Variants in TIAM1 observed in about 807,000 individuals in gnomAD.
TIAM1 encodes the protein TIAM Rac1 associated GEF 1.
In TIAM1, 65 loss-of-function variants were observed where a neutral mutation model predicts 163.5. The ratio of observed to expected loss-of-function variants is 0.40; its 90% CI spans 0.33 to 0.49. The LOEUF (loss-of-function observed/expected upper bound fraction) is 0.49. TIAM1 is among the 20% of genes least tolerant of loss of function. The pLI is 0.77. For missense variants in TIAM1, 1,789 were observed against 2,044.7 expected, an observed-to-expected ratio of 0.87 and a Z score of 2.41; for synonymous variants, 833 against 810.1, an observed-to-expected ratio of 1.03 and a Z score of -0.48.
chr21:31,472,668 G>A (rs545209270), intron 1 of TIAM1, among the ~76,000 whole-genome samples: 1 of 152,284 alleles, frequency 6.6e-6, no homozygotes, highest in Non-Finnish European at 1.5e-5. Context: ...GGCACCACCA[G>A]CCCATGAGCC....
At chr21:31,300,497 G>A (rs1359256410) in intron 2 of TIAM1, among the ~76,000 whole-genome samples, 1 of 152,168 alleles carries the variant, frequency 6.6e-6, no homozygotes, top group African/African-American at 2.4e-5. Context: ...ATGGCCAGAG[G>A]AAGGCACAAC....
chr21:31,533,123 C>T (rs779652703), intron 1 of TIAM1, among the ~76,000 whole-genome samples: 1 of 152,066 alleles, frequency 6.6e-6, no homozygotes, highest in Non-Finnish European at 1.5e-5. Flanking sequence ...GAGTTCAAGG[C>T]CAGCCTGGCC....
chr21:31,218,311 T>C (rs566503076), intron 8 of TIAM1, among the ~76,000 whole-genome samples: 11 of 152,294 alleles, frequency 7.2e-5, no homozygotes, highest in African/African-American at 2.2e-4. Flanking sequence ...CTCATGCCTG[T>C]AATCCCAGCA....
At chr21:31,237,397 A>G (rs1181320101) in intron 6 of TIAM1, among the ~76,000 whole-genome samples, 1 of 152,258 alleles carries the variant, frequency 6.6e-6, no homozygotes, top group Non-Finnish European at 1.5e-5. Flanking sequence ...GAGCCTGACG[A>G]AACTCAAGAC....
chr21:31,271,699 G>C lies in TIAM1; in HGVS notation c.-11-4716C>G, dbSNP rs567432801. On this transcript the variant is annotated intron_variant, in intron 3 of 27. Coordinates refer to ENST00000541036, the MANE Select transcript of TIAM1 (RefSeq NM_001353694.2). ...TCAGGAATGAGGTTAAGAGTTGAGA[G>C]GGCAAGTGTAGAACTGCTCAGGCCT... 1.0e-4 allele frequency among the ~76,000 whole-genome samples: 11 copies of C among 105,090 alleles called. 1 individual carries two copies. In the South Asian group the frequency reaches 3.8e-3, roughly 37 times the overall value. The allele number at this position is 105,090 out of a possible 152,430, so 68.9% of individuals were successfully genotyped here.
chr21:31,421,130 T>TA (rs71193115), intron 2 of TIAM1, among the ~76,000 whole-genome samples: 91 of 135,332 alleles, frequency 6.7e-4, no homozygotes, highest in Middle Eastern at 3.7e-3. Context: ...GACTTCCTCT[T>TA]AAAAAAAAAA....
chr21:31,215,568 G>GAAAAAAAAA (rs398040071), intron 9 of TIAM1, among the ~76,000 whole-genome samples: 7 of 75,496 alleles, frequency 9.3e-5, no homozygotes, highest in African/African-American at 2.2e-4. Context: ...TCTCAAAAAA[G>GAAAAAAAAA]AAAAAAAAAA....
intron 4 of TIAM1, among the ~76,000 whole-genome samples, chr21:31,265,640 C>T (rs2072715503): frequency 6.6e-6 from 1 of 152,168 alleles, no homozygotes; most frequent in Non-Finnish European, 1.5e-5. Flanking sequence ...CAAGAGTCTG[C>T]AACCCACCAT....
At chr21:31,550,956 A>T (rs1328946353) in intron 1 of TIAM1, among the ~76,000 whole-genome samples, 1 of 152,262 alleles carries the variant, frequency 6.6e-6, no homozygotes, top group East Asian at 1.9e-4. Flanking sequence ...CACGCCTGTA[A>T]TCCCAGCACT....
At chr21:31,486,978 A>G (rs2046293765) in intron 1 of TIAM1, among the ~76,000 whole-genome samples, 1 of 152,204 alleles carries the variant, frequency 6.6e-6, no homozygotes, top group African/African-American at 2.4e-5. Flanking sequence ...TGACACAGCC[A>G]CAGCAGTTCT....
At chr21:31,423,715 A>C (rs999820121) in intron 2 of TIAM1, among the ~76,000 whole-genome samples, 1 of 139,698 alleles carries the variant, frequency 7.2e-6, no homozygotes, top group Non-Finnish European at 1.6e-5. Context: ...AAAAAAAAAA[A>C]AAAAAAAAAA....
chr21:31,472,789 T>C (rs1336911992), intron 1 of TIAM1, among the ~76,000 whole-genome samples: 1 of 152,232 alleles, frequency 6.6e-6, no homozygotes, highest in African/African-American at 2.4e-5. Flanking sequence ...ATGGGGATAA[T>C]AACAGCATCT....
At chr21:31,384,696 C>T (rs1354216912) in intron 2 of TIAM1, among the ~76,000 whole-genome samples, 2 of 152,198 alleles carry the variant, frequency 1.3e-5, no homozygotes, top group East Asian at 1.9e-4. Flanking sequence ...TACAAAATAT[C>T]TTACCTTAAG....
At chr21:31,338,634 C>T (rs2075924625) in intron 2 of TIAM1, among the ~76,000 whole-genome samples, 1 of 152,186 alleles carries the variant, frequency 6.6e-6, no homozygotes, top group Non-Finnish European at 1.5e-5. Flanking sequence ...GTGCCACATA[C>T]AGGAAGTAGG....
chr21:31,543,037 C>T (rs909044538), intron 1 of TIAM1, among the ~76,000 whole-genome samples: 1 of 152,094 alleles, frequency 6.6e-6, no homozygotes, highest in Admixed American at 6.6e-5. Context: ...AAAGGCATAT[C>T]GGTGCGATGT....
In TIAM1 at chr21:31,422,137, G is replaced by C. The variant is rs80325930; in HGVS notation, c.-369+41846C>G. Among the ~76,000 whole-genome samples the C allele has an allele frequency of 5.7e-3, 873 of 152,276 alleles. 13 individuals carry two copies. Among genetic ancestry groups the C allele is most frequent in the African/African-American group, 0.02 (839 of 41,546 alleles). ...AGAGAATATATTCCTGTTTTCGTAAGCCACCAAGTTGGTGGCAATATGTGA... is the reference window on the plus strand; with the variant it reads ...AGAGAATATATTCCTGTTTTCGTAACCCACCAAGTTGGTGGCAATATGTGA... On this transcript the variant is annotated intron_variant, in intron 2 of 28. Transcript: ENST00000286827.
intron 3 of TIAM1, among the ~76,000 whole-genome samples, chr21:31,272,999 G>T (rs553527335): frequency 2.0e-4 from 30 of 152,218 alleles, no homozygotes; most frequent in Admixed American, 6.5e-4. Flanking sequence ...CAGCAAGTTG[G>T]AGTAAACCAA....
At position 31,373,578 on chromosome 21, in the gene TIAM1, A is replaced by G. The variant is rs142199357; in HGVS notation, c.-368-34156T>C. On this transcript the variant is annotated intron_variant, in intron 2 of 28. Transcript: ENST00000286827. ...AACAAATATGCCTTGAGCACCTAAC[A>G]TATGGCAGGTACTGTGCAAAGCACT... 8.4e-3 allele frequency among the ~76,000 whole-genome samples: 1,280 copies of G among 152,288 alleles called. 4 individuals are homozygous for G. Among genetic ancestry groups the G allele is most frequent in the Admixed American group, 0.015 (222 of 15,302 alleles).
At chr21:31,500,483 C>G (rs916624989) in intron 1 of TIAM1, among the ~76,000 whole-genome samples, 2 of 152,170 alleles carry the variant, frequency 1.3e-5, no homozygotes, top group African/African-American at 4.8e-5. Flanking sequence ...GGGGTTTAAC[C>G]GGGTCTCCCA....
Sources: gnomAD v4.1 joint callset for allele counts (sites outside exome capture counted in the v4.1 genomes callset) on GRCh38, gnomAD v4.1.1 for gene constraint, MANE v1.5 for transcripts, NCBI Gene and HGNC (gene_info 2026-07-23, HGNC 2026-07-21) for gene names.